Variants in TMOD3 observed in about 807,000 individuals in gnomAD.
TMOD3 encodes tropomodulin 3, also known as tropomodulin-3.
TMOD3 carries 20 observed loss-of-function variants against 39.2 expected under a neutral mutation model. That is an observed-to-expected ratio of 0.51 (90% CI 0.36 to 0.74). The LOEUF (loss-of-function observed/expected upper bound fraction) is 0.74, where lower values mean the gene tolerates loss of function less well. Ranked by LOEUF, TMOD3 falls within the 30% of genes least tolerant of loss-of-function variation. TMOD3 has a pLI of 0.00. For synonymous variants in TMOD3, 143 were observed against 145.8 expected, an observed-to-expected ratio of 0.98 and a Z score of 0.14; for missense variants, 381 against 412.8, an observed-to-expected ratio of 0.92 and a Z score of 0.67.
At chr15:51,837,892 C>CT (rs1240662985) in intron 1 of TMOD3, among the ~76,000 whole-genome samples, 2 of 152,176 alleles carry the variant, frequency 1.3e-5, no homozygotes, top group African/African-American at 4.8e-5. Flanking sequence ...ACTGTTTCCT[C>CT]TTTTCTTCTC....
intron 7 of TMOD3, among the ~76,000 whole-genome samples, chr15:51,899,785 A>G (rs2056640217): frequency 6.6e-6 from 1 of 152,254 alleles, no homozygotes; most frequent in African/African-American, 2.4e-5. Context: ...AATTTGCTGT[A>G]TGCCAGGTAC....
chr15:51,888,137 C>T (rs1015316297), intron 4 of TMOD3, among the ~76,000 whole-genome samples: 8 of 152,152 alleles, frequency 5.3e-5, no homozygotes, highest in Non-Finnish European at 1.2e-4. Context: ...CTATACTCAC[C>T]ACCTTCCCAA....
chr15:51,861,840 A>G (rs1381650004), intron 1 of TMOD3, among the ~76,000 whole-genome samples: 1 of 151,578 alleles, frequency 6.6e-6, no homozygotes, highest in Non-Finnish European at 1.5e-5. Context: ...TGTATTTTTC[A>G]CCATGTTGCC....
chr15:51,904,633 C>T (rs1035738), intron 9 of TMOD3, among the ~76,000 whole-genome samples: 2,853 of 152,272 alleles, frequency 0.019, 38 homozygotes, highest in Non-Finnish European at 0.032. Context: ...ATAAACGTCA[C>T]GGCAGGGGCG....
chr15:51,859,211 A>G, intron 1 of TMOD3: 1 of 737,624 alleles, frequency 1.4e-6, no homozygotes, highest in Non-Finnish European at 2.5e-6. Flanking sequence ...GATACATAGC[A>G]TGTTTAGCTA....
At chr15:51,834,621 A>G (rs1053247816) in intron 1 of TMOD3, among the ~76,000 whole-genome samples, 4 of 152,206 alleles carry the variant, frequency 2.6e-5, no homozygotes, top group Non-Finnish European at 5.9e-5. Context: ...ATTTGAGCCC[A>G]GGAGTTTGAG....
intron 1 of TMOD3, among the ~76,000 whole-genome samples, chr15:51,836,808 T>C (rs2056286844): frequency 6.6e-6 from 1 of 151,824 alleles, no homozygotes; most frequent in Non-Finnish European, 1.5e-5. Context: ...TTTTGAGCTA[T>C]AAAGATATCC....
At chr15:51,861,411 A>G (rs1566856807) in intron 1 of TMOD3, 1 of 155,182 alleles carries the variant, frequency 6.4e-6, no homozygotes. Flanking sequence ...GTCAGACTCC[A>G]GTGGTGAGCC....
rs546692692 is a variant in TMOD3, at chr15:51,832,295, T to C, written c.-75+2459T>C. On this transcript the variant is annotated intron_variant, in intron 1 of 9. Transcript: ENST00000308580. ...GGGATTAGGCAGATATACTTATGTATAGTCCACAGCACTTGTAAGAGCCAC... is the reference window on the plus strand; with the variant it reads ...GGGATTAGGCAGATATACTTATGTACAGTCCACAGCACTTGTAAGAGCCAC... Among the ~76,000 whole-genome samples the C allele has an allele frequency of 2.7e-5, 4 of 149,128 alleles. No individual in the cohort carries two copies. The South Asian group carries it at 8.5e-4, about 32-fold the overall frequency.
chr15:51,859,484 T>C, intron 1 of TMOD3: 1 of 659,334 alleles, frequency 1.5e-6, no homozygotes, highest in Non-Finnish European at 2.9e-6. Flanking sequence ...TCTGTAAACT[T>C]TTATACACAG....
Position 51,914,832 on chromosome 15 carries a change from G to A in TMOD3, c.*6022G>A, listed in dbSNP as rs2448949. The A allele has an allele frequency of 0.41, 59,027 of 143,008 alleles. 11,638 individuals carry two copies. The highest frequency in any genetic ancestry group is 0.48 in the Admixed American group (6,690 of 13,938). The allele number at this position is 143,008 out of a possible 1,614,324, so 8.9% of individuals were successfully genotyped here. On this transcript the variant is annotated 3_prime_UTR_variant, in exon 10 of 10. Transcript: ENST00000308580. ...CTGCAACCTCCGCCTCCTGGGTTCA[G>A]ATGATTTTCCTGCCTCAGCCTCCTG...
chr15:51,848,629 A>G (rs1219787158), intron 1 of TMOD3, among the ~76,000 whole-genome samples: 1 of 152,252 alleles, frequency 6.6e-6, no homozygotes, highest in African/African-American at 2.4e-5. Flanking sequence ...ATTGTTGGCT[A>G]GTGAACCGTA....
chr15:51,905,255 T>A (rs2056672479), intron 9 of TMOD3, among the ~76,000 whole-genome samples: 1 of 152,186 alleles, frequency 6.6e-6, no homozygotes, highest in East Asian at 1.9e-4. Flanking sequence ...CCAAGCACTT[T>A]GAGAGACCAA....
intron 3 of TMOD3, among the ~76,000 whole-genome samples, chr15:51,873,564 T>C (rs945606637): frequency 6.6e-6 from 1 of 152,258 alleles, no homozygotes; most frequent in Admixed American, 6.5e-5. Flanking sequence ...GTGCAGTACC[T>C]AATGGCAATA....
At chr15:51,873,270 G>A (rs905037636) in intron 3 of TMOD3, among the ~76,000 whole-genome samples, 4 of 152,100 alleles carry the variant, frequency 2.6e-5, no homozygotes, top group African/African-American at 9.7e-5. Flanking sequence ...AAATCCAGAA[G>A]CTTGTTTTTT....
At chr15:51,885,949 G>T (rs2056559809) in intron 3 of TMOD3, among the ~76,000 whole-genome samples, 1 of 149,106 alleles carries the variant, frequency 6.7e-6, no homozygotes, top group East Asian at 2.0e-4. Context: ...CAGGGTGGCT[G>T]GCCGGGCAGG....
intron 3 of TMOD3, among the ~76,000 whole-genome samples, chr15:51,883,875 A>T (rs1484827516): frequency 6.6e-6 from 1 of 152,222 alleles, no homozygotes; most frequent in Non-Finnish European, 1.5e-5. Flanking sequence ...AATGGCAATT[A>T]AAATTATGCC....
intron 2 of TMOD3, among the ~76,000 whole-genome samples, chr15:51,868,376 G>T (rs578239728): frequency 6.6e-6 from 1 of 152,242 alleles, no homozygotes; most frequent in East Asian, 1.9e-4. Context: ...TGTCATGGGG[G>T]TTTGTTGTAC....
chr15:51,838,811 C>T (rs1764537140), intron 1 of TMOD3, among the ~76,000 whole-genome samples: 1 of 152,074 alleles, frequency 6.6e-6, no homozygotes, highest in Non-Finnish European at 1.5e-5. Context: ...AGGTGACTAG[C>T]TTGTTATGGT....
Sources: gnomAD v4.1 joint callset for allele counts (sites outside exome capture counted in the v4.1 genomes callset) on GRCh38, gnomAD v4.1.1 for gene constraint, MANE v1.5 for transcripts, NCBI Gene and HGNC (gene_info 2026-07-23, HGNC 2026-07-21) for gene names.